AGBL1: variants seen among roughly 807,000 people sequenced by gnomAD.
AGBL1 encodes cytosolic carboxypeptidase 4.
A neutral mutation model predicts 118.9 loss-of-function variants in AGBL1; 130 were observed. That is an observed-to-expected ratio of 1.09 (90% CI 0.95 to 1.26). The LOEUF is 1.26. Ranked by LOEUF, AGBL1 falls within the 50% of genes most tolerant of loss-of-function variation. AGBL1 has a pLI of 0.00. For missense variants in AGBL1, 1,584 were observed against 1,298.1 expected, an observed-to-expected ratio of 1.22 and a Z score of -3.38; for synonymous variants, 555 against 478.9, an observed-to-expected ratio of 1.16 and a Z score of -2.08.
At chr15:86,802,211 T>C (rs2078660016) in intron 22 of AGBL1, among the ~76,000 whole-genome samples, 1 of 152,156 alleles carries the variant, frequency 6.6e-6, no homozygotes, top group Non-Finnish European at 1.5e-5. Context: ...CTTTGAATTA[T>C]ATTTTTTTAG....
At chr15:86,108,742 A>C (rs1183399397) in intron 1 of AGBL1, among the ~76,000 whole-genome samples, 1 of 152,310 alleles carries the variant, frequency 6.6e-6, no homozygotes, top group African/African-American at 2.4e-5. Flanking sequence ...GCGGATCACG[A>C]GGTCAAGAGA....
At chr15:86,267,180 G>A in intron 13 of AGBL1, 104 bp downstream of exon 13, 3 of 862,484 alleles carry the variant, frequency 3.5e-6, no homozygotes, top group Non-Finnish European at 5.7e-6. Flanking sequence ...TTGGTGGCTT[G>A]AAATCAGCCA....
At chr15:86,963,436 G>A (rs1220674363) in intron 23 of AGBL1, among the ~76,000 whole-genome samples, 1 of 151,704 alleles carries the variant, frequency 6.6e-6, no homozygotes, top group Non-Finnish European at 1.5e-5. Context: ...GATTAGTGCT[G>A]TCCTCAGATC....
chr15:86,970,500 A>G (rs2081096095), intron 23 of AGBL1, among the ~76,000 whole-genome samples: 1 of 151,972 alleles, frequency 6.6e-6, no homozygotes, highest in Non-Finnish European at 1.5e-5. Flanking sequence ...CTCAGGCTCA[A>G]CGACGTTGAG....
At chr15:86,513,909 A>C (rs2083083630) in intron 18 of AGBL1, among the ~76,000 whole-genome samples, 1 of 152,020 alleles carries the variant, frequency 6.6e-6, no homozygotes, top group African/African-American at 2.4e-5. Flanking sequence ...ATTTAAAAAT[A>C]CTTCCTTATT....
intron 18 of AGBL1, among the ~76,000 whole-genome samples, chr15:86,460,752 A>T (rs1321434488): frequency 6.6e-6 from 1 of 152,134 alleles, no homozygotes; most frequent in African/African-American, 2.4e-5. Flanking sequence ...TTTTCCTTAA[A>T]TGCTTGTCTC....
At chr15:86,148,962 G>A (rs1179873307) in intron 3 of AGBL1, among the ~76,000 whole-genome samples, 1 of 152,150 alleles carries the variant, frequency 6.6e-6, no homozygotes, top group Non-Finnish European at 1.5e-5. Context: ...AAGAGAGTGG[G>A]GGCCAATATT....
At chr15:86,250,651 A>G (rs750659876) in intron 7 of AGBL1, among the ~76,000 whole-genome samples, 2 of 150,936 alleles carry the variant, frequency 1.3e-5, no homozygotes, top group Non-Finnish European at 2.9e-5. Flanking sequence ...TTTTTGGAAA[A>G]TGATCATTGC....
At chr15:86,396,858 C>A (rs2081373155) in intron 17 of AGBL1, among the ~76,000 whole-genome samples, 1 of 152,144 alleles carries the variant, frequency 6.6e-6, no homozygotes, top group Non-Finnish European at 1.5e-5. Context: ...TGAAGATAAT[C>A]AATCTCAGAT....
intron 7 of AGBL1, among the ~76,000 whole-genome samples, chr15:86,254,117 G>T (rs2078858732): frequency 6.6e-6 from 1 of 152,192 alleles, no homozygotes; most frequent in African/African-American, 2.4e-5. Context: ...GCCTTGCTTT[G>T]TTATCATGGG....
intron 21 of AGBL1, among the ~76,000 whole-genome samples, chr15:86,652,570 CATTT>C (rs1379263092): frequency 6.6e-6 from 1 of 151,992 alleles, no homozygotes; most frequent in South Asian, 2.1e-4. Context: ...TAGATTTAAA[CATTT>C]GTTTGGGTAA....
chr15:86,148,310 G>T (rs1459393160), intron 3 of AGBL1, among the ~76,000 whole-genome samples: 1 of 152,094 alleles, frequency 6.6e-6, no homozygotes, highest in Non-Finnish European at 1.5e-5. Flanking sequence ...GCTTCAAAAG[G>T]TCGGTAATAA....
intron 21 of AGBL1, among the ~76,000 whole-genome samples, chr15:86,614,553 G>C (rs981260804): frequency 2.0e-5 from 3 of 152,162 alleles, no homozygotes; most frequent in African/African-American, 7.2e-5. Flanking sequence ...AATGAGCTTT[G>C]ATTTGTAGTG....
intron 18 of AGBL1, among the ~76,000 whole-genome samples, chr15:86,414,003 T>C (rs921292609): frequency 1.3e-5 from 2 of 152,138 alleles, no homozygotes; most frequent in Non-Finnish European, 2.9e-5. Flanking sequence ...TATAAAAGAA[T>C]GAAATCATGT....
chr15:86,598,910 A>C (rs2447258), intron 21 of AGBL1, among the ~76,000 whole-genome samples: 140,826 of 152,172 alleles, frequency 0.93, 65,218 homozygotes, highest in East Asian at 1. Flanking sequence ...GAGCAGACTG[A>C]CCTGAGAAAG....
intron 23 of AGBL1, among the ~76,000 whole-genome samples, chr15:86,950,703 T>C (rs1332587680): frequency 1.3e-5 from 2 of 151,920 alleles, no homozygotes; most frequent in African/African-American, 4.8e-5. Flanking sequence ...GAAGAATATA[T>C]ACAAAGAATG....
At position 86,721,830 on chromosome 15, in the gene AGBL1, A is replaced by G. The variant is rs191800965; in HGVS notation, c.3158+47394A>G. Among the ~76,000 whole-genome samples, 13 of 152,314 alleles carry G rather than the reference A, an allele frequency of 8.5e-5. No homozygotes were observed. In the East Asian group the frequency reaches 1.7e-3, roughly 20 times the overall value. ...AAGTCTCAGGATACAAAATCAATGT[A>G]CAAAAATCACAAGCATTCTTATACA... On this transcript the variant is annotated intron_variant, in intron 22 of 22. Transcript: ENST00000614907.
intron 18 of AGBL1, among the ~76,000 whole-genome samples, chr15:86,467,018 C>T (rs2082416235): frequency 6.6e-6 from 1 of 152,240 alleles, no homozygotes; most frequent in African/African-American, 2.4e-5. Context: ...AGATCTGCTG[C>T]TCTCTTCAGA....
Position 86,279,755 on chromosome 15 carries a change from A to G in AGBL1, c.2192A>G (p.His731Arg), listed in dbSNP as rs1400709023. 3.1e-6 allele frequency: 5 copies of G among 1,613,576 alleles called. No individual in the cohort carries two copies. The highest frequency in any genetic ancestry group is 3.4e-6 in the Non-Finnish European group (4 of 1,179,762). ...GAGGATGTCTGCTACCTGGCCTACC[A>G]CTATCCCTATACCTACACAGCCCTC... The part of the protein sequence containing the change: ...HSEDVCYLAY[H>R]YPYTYTALMT... The change falls in exon 16 of 23, where the codon CAC becomes CGC. Residue 731 changes from histidine to arginine, a missense_variant. Transcript: ENST00000614907.
Sources: allele counts gnomAD v4.1 joint callset (sites outside exome capture counted in the v4.1 genomes callset), GRCh38; gene constraint gnomAD v4.1.1; transcripts MANE v1.5; gene names NCBI Gene and HGNC (gene_info 2026-07-23, HGNC 2026-07-21).